The following PLG variants were observed in gnomAD, a reference collection of about 807,000 sequenced individuals.
PLG encodes plasmin.
A neutral mutation model predicts 104.4 loss-of-function variants in PLG; 41 were observed. The observed-to-expected ratio is 0.39, with a 90% CI of 0.31 to 0.51. PLG has a LOEUF of 0.51. Among genes scored for constraint, PLG ranks in the 20% least tolerant of loss-of-function variants. The pLI is 0.76. For synonymous variants in PLG, 337 were observed against 357.1 expected (o/e 0.94, Z 0.63); for missense variants, 891 against 1,003.6 (o/e 0.89, Z 1.52).
chr6:160,748,362 A>AAGAAAGAAAGAAAGAGAGAG (rs1445632501), intron 17 of PLG, among the ~76,000 whole-genome samples: 1 of 37,076 alleles, frequency 2.7e-5, no homozygotes. Flanking sequence ...GAAAGAAAGA[A>AAGAAAGAAAGAAAGAGAGAG]AGAAAGAAAG....
intron 5 of PLG, among the ~76,000 whole-genome samples, chr6:160,714,410 G>A (rs1392714249): frequency 6.6e-6 from 1 of 152,166 alleles, no homozygotes; most frequent in Non-Finnish European, 1.5e-5. Flanking sequence ...TTATTGAAAT[G>A]AAGATGCCAA....
chr6:160,733,844 C>CAAAAAAAAAAAAAAAAAAAAAA, intron 12 of PLG, 151 bp from the exon 13 acceptor site: 2 of 327,636 alleles, frequency 6.1e-6, no homozygotes, highest in Non-Finnish European at 5.6e-6. Flanking sequence ...AACTCCACCT[C>CAAAAAAAAAAAAAAAAAAAAAA]AGAAAAAAAA....
chr6:160,703,315 C>T (rs1186092231), intron 1 of PLG, among the ~76,000 whole-genome samples: 1 of 151,446 alleles, frequency 6.6e-6, no homozygotes, highest in Admixed American at 6.6e-5. Flanking sequence ...ATAGAATTCA[C>T]CCATTTAGGC....
chr6:160,730,820 G>A (rs1268311798), intron 10 of PLG: 1 of 456,470 alleles, frequency 2.2e-6, no homozygotes, highest in Non-Finnish European at 4.0e-6. Context: ...TTTTTATATG[G>A]AGCATATACT....
rs992182006 is a variant in PLG at position 160,738,260 on chromosome 6, C to G, written c.1803-278C>G. 6.6e-6 allele frequency among the ~76,000 whole-genome samples: 1 copy of G among 152,112 alleles called. No individual in the cohort carries two copies. The highest frequency in any genetic ancestry group is 1.5e-5 in the Non-Finnish European group (1 of 68,032). ...TGGGGTGAAAGCCGTGGCTGTAGAG[C>G]TTCATGCGGAGTTACTTAGCTTTGC... On this transcript the variant is annotated intron_variant, in intron 14 of 18. Transcript: ENST00000308192. This position sits in a 1 kb window ranked among gnomAD's most constrained non-coding sequence, Gnocchi z 6.8.
chr6:160,736,953 G>A lies in PLG; in HGVS notation c.1748G>A (p.Gly583Glu), dbSNP rs551058645. Reference protein sequence around the residue: ...EPKKCPGRVVGGCVAHPHSWP... With the variant: ...EPKKCPGRVVEGCVAHPHSWP... ...AAGAAATGTCCTGGAAGGGTTGTAGGGGGGTGTGTGGCCCACCCACATTCC... is the reference window on the plus strand; with the variant it reads ...AAGAAATGTCCTGGAAGGGTTGTAGAGGGGTGTGTGGCCCACCCACATTCC... Residue 583 changes from glycine (G) to glutamate (E), a missense_variant, in exon 14 of 19, where the codon GGG (glycine) becomes GAG (glutamate). Physicochemically the swap from Gly to Glu is moderately conservative, Grantham distance 98. Around this residue, in one of 2 missense-constraint regions of PLG, gnomAD observed 854 missense variants for 932.1 expected, o/e 0.92. Transcript: ENST00000308192. The surrounding 1 kb of genome is among the most constrained non-coding windows in gnomAD (Gnocchi z 5.2). The A allele has an allele frequency of 1.1e-5, 17 of 1,613,950 alleles. No homozygotes were observed. The highest frequency in any genetic ancestry group is 1.4e-5 in the Non-Finnish European group (16 of 1,179,952).
chr6:160,749,803 A>G (rs783176), intron 17 of PLG, among the ~76,000 whole-genome samples: 24,228 of 150,786 alleles, frequency 0.16, 2,462 homozygotes, highest in East Asian at 0.41. Context: ...ACCCACCACC[A>G]TCACCGTCAC....
intron 7 of PLG, among the ~76,000 whole-genome samples, chr6:160,717,747 A>G (rs1777763428): frequency 6.6e-6 from 1 of 152,198 alleles, no homozygotes; most frequent in Admixed American, 6.5e-5. Context: ...GAGAACATAG[A>G]AAGAAGCACC....
At chr6:160,750,231 C>G (rs1481075758) in intron 17 of PLG, among the ~76,000 whole-genome samples, 1 of 152,186 alleles carries the variant, frequency 6.6e-6, no homozygotes, top group African/African-American at 2.4e-5. Context: ...CAGCCATCAT[C>G]TGCAATCACT....
Position 160,731,210 on chromosome 6 carries a change from T to C in PLG, c.1416T>C (p.Asp472=), listed in dbSNP as rs748980932. ...VAPPPVVLLP[D]VETPSEEDCM... ...CTCCGCCTGTTGTCCTGCTTCCAGA[T>C]GTAGAGACTCCTTCCGAAGAAGGTA... Residue 472 remains aspartate (D), a synonymous_variant, in exon 11 of 19, where the codon GAT becomes GAC. Transcript: ENST00000308192. The surrounding 1 kb of genome is among the most constrained non-coding windows in gnomAD (Gnocchi z 5.1). 6.2e-7 allele frequency: 1 copy of C among 1,614,014 alleles called. No homozygotes were observed. Among genetic ancestry groups the C allele is most frequent in the Non-Finnish European group, 8.5e-7 (1 of 1,179,894 alleles).
Position 160,745,462 on chromosome 6 carries a change from T to A in PLG, c.2125+4045T>A, listed in dbSNP as rs372235705. 2.0e-5 allele frequency among the ~76,000 whole-genome samples: 3 copies of A among 152,228 alleles called. No homozygotes were observed. In the East Asian group the frequency reaches 5.8e-4, roughly 29 times the overall value. The stretch of plus-strand genomic sequence containing the variant: ...AAGTCTGTTTTGTCTGAAATTAGGA[T>A]GGCAACCCTTGCTTTTTTGTCTGAT... On this transcript the variant is annotated intron_variant, in intron 17 of 18. Transcript: ENST00000308192.
intron 3 of PLG, 130 bp from the exon 4 acceptor site, chr6:160,710,947 A>G (rs941007846): frequency 3.7e-6 from 3 of 809,540 alleles, no homozygotes; most frequent in African/African-American, 3.4e-5. Flanking sequence ...CAGATGCAAA[A>G]GATGATCTTT....
rs563951412 is a variant in PLG, at chr6:160,752,768, T to G, written c.2272-132T>G. 1 of 1,122,294 alleles carries G rather than the reference T, an allele frequency of 8.9e-7. No homozygotes were observed. The highest frequency in any genetic ancestry group is 1.3e-5 in the South Asian group (1 of 77,148). 69.5% of individuals were successfully genotyped at this position (1,122,294 alleles called of 1,614,324 possible). ...TACTTAAGCACTGCAGATGCTTGAG[T>G]AATATGCTCATAAGTTCCTTTCTGA... On this transcript the variant is annotated intron_variant, in intron 18 of 18. Transcript: ENST00000308192. This position sits in a 1 kb window ranked among gnomAD's most constrained non-coding sequence, Gnocchi z 4.7.
At position 160,736,171 on chromosome 6, in the gene PLG, C is replaced by A. The variant is rs1293668973; in HGVS notation, c.1682-716C>A. On this transcript the variant is annotated intron_variant, in intron 13 of 18. Transcript: ENST00000308192. The surrounding 1 kb of genome is among the most constrained non-coding windows in gnomAD (Gnocchi z 5.2). ...TGTTGTAGGCATTGGTGGATGGTAC[C>A]AAAGATGGGACACTGTCCCTACCTC... 1.3e-5 allele frequency among the ~76,000 whole-genome samples: 2 copies of A among 152,156 alleles called. No individual in the cohort carries two copies. The highest frequency in any genetic ancestry group is 2.9e-5 in the Non-Finnish European group (2 of 68,024).
At chr6:160,751,388 G>C (rs1778396810) in intron 17 of PLG, among the ~76,000 whole-genome samples, 1 of 152,154 alleles carries the variant, frequency 6.6e-6, no homozygotes, top group East Asian at 1.9e-4. Flanking sequence ...AATGATAAAA[G>C]TGCCTGTTTC....
chr6:160,710,262 A>G (rs552983008), intron 3 of PLG, among the ~76,000 whole-genome samples: 3 of 152,366 alleles, frequency 2.0e-5, no homozygotes, highest in Non-Finnish European at 4.4e-5. Context: ...GTTAAAAACC[A>G]AACAAAAAAG....
chr6:160,721,894 A>G (rs1777836028), intron 9 of PLG, among the ~76,000 whole-genome samples: 2 of 152,130 alleles, frequency 1.3e-5, no homozygotes, highest in Non-Finnish European at 2.9e-5. Context: ...AGGGAATAAG[A>G]TTTTTGCCTC....
intron 9 of PLG, among the ~76,000 whole-genome samples, chr6:160,720,895 T>G (rs1777818504): frequency 6.6e-6 from 1 of 152,100 alleles, no homozygotes; most frequent in African/African-American, 2.4e-5. Context: ...CTTGTTCTCT[T>G]TTTTTTTCAG....
rs201308812 is a variant in PLG at position 160,736,969 on chromosome 6, C to T, written c.1764C>T (p.His588=). The stretch of plus-strand genomic sequence containing the variant: ...GGGTTGTAGGGGGGTGTGTGGCCCA[C>T]CCACATTCCTGGCCCTGGCAAGTCA... ...PGRVVGGCVA[H]PHSWPWQVSL... is the part of the protein sequence containing the mutation. The change falls in exon 14 of 19, where the codon CAC becomes CAT. Residue 588 remains histidine, a synonymous_variant. Transcript: ENST00000308192. The surrounding 1 kb of genome is among the most constrained non-coding windows in gnomAD (Gnocchi z 5.2). 2 of 1,613,836 alleles carry T rather than the reference C, an allele frequency of 1.2e-6. No homozygotes were observed. Among genetic ancestry groups the T allele is most frequent in the African/African-American group, 1.3e-5 (1 of 74,996 alleles).
Sources: allele counts gnomAD v4.1 joint callset (sites outside exome capture counted in the v4.1 genomes callset), GRCh38; gene constraint gnomAD v4.1.1; regional missense constraint gnomAD v4.1.1; non-coding constraint Gnocchi (gnomAD v3.1); transcripts MANE v1.5; gene names NCBI Gene and HGNC (gene_info 2026-07-23, HGNC 2026-07-21).